The following TPSG1 variants were observed in gnomAD, a reference collection of about 807,000 sequenced individuals.
TPSG1 encodes tryptase gamma 1.
TPSG1 carries 43 observed loss-of-function variants against 23.8 expected under a neutral mutation model. That is an observed-to-expected ratio of 1.81 (90% CI 1.42 to 2.33). The LOEUF is 2.33. TPSG1 is among the 30% of genes most tolerant of loss of function. TPSG1 has a pLI of 0.00. For missense variants in TPSG1, 623 were observed against 438.6 expected, an observed-to-expected ratio of 1.42 and a Z score of -3.75; for synonymous variants, 302 against 201.3, an observed-to-expected ratio of 1.50 and a Z score of -4.23.
rs373089626 is a variant in TPSG1, at chr16:1,222,099, G to A, written c.658-3C>T. The stretch of plus-strand genomic sequence containing the variant: ...ACCAGAGGCCCCCCGGAGTCGTCCT[G>A]AGGACAGAGAAGGCGAGCATTGGGA... On this transcript the variant is annotated splice_region_variant and splice_polypyrimidine_tract_variant and intron_variant, in intron 5 of 5. Coordinates refer to ENST00000234798, the MANE Select transcript of TPSG1 (RefSeq NM_012467.4). The A allele has an allele frequency of 1.8e-5, 29 of 1,612,776 alleles. No homozygotes were observed. Among genetic ancestry groups the A allele is most frequent in the Non-Finnish European group, 2.4e-5 (28 of 1,179,990 alleles).
rs1261647402 is a variant in TPSG1 at position 1,223,953 on chromosome 16, G to A, written c.74-359C>T. ...TGGGGGTGGCTGCCTAGTGGGCCCC[G>A]GTTTTCCTTCAGGGGTGGTGGAGAT... On this transcript the variant is annotated intron_variant, in intron 2 of 5. Coordinates refer to ENST00000234798, the MANE Select transcript of TPSG1 (RefSeq NM_012467.4). 1.3e-5 allele frequency: 4 copies of A among 302,444 alleles called. No individual in the cohort carries two copies. The Admixed American group carries it at 1.6e-4, about 12-fold the overall frequency. 18.7% of individuals were successfully genotyped at this position (302,444 alleles called of 1,614,324 possible). A position where few individuals can be genotyped will look rare whatever the true frequency, so the allele number is the denominator to read the frequency against.
chr16:1,223,762 ACGT>A, intron 2 of TPSG1, 168 bp from the exon 3 acceptor site: 1 of 792,684 alleles, frequency 1.3e-6, no homozygotes, highest in African/African-American at 1.8e-5. Flanking sequence ...AGCAGAAATG[ACGT>A]CTCAGGAGCA....
In TPSG1 at chr16:1,222,281, GTC is replaced by G. The variant is rs1567564570; in HGVS notation, c.570_571del (p.Glu190AspfsTer54). ...GGGGCCGGGATAGTCCCGGCGGCAG[GTC>G]TCTGTGTCCACCACGGAGACTTTCA... On this transcript the variant is annotated frameshift_variant, in exon 5 of 6. Transcript: ENST00000234798. LOFTEE classifies it high-confidence loss of function. 9.3e-6 allele frequency: 15 copies of G among 1,611,778 alleles called. No homozygotes were observed. The highest frequency in any genetic ancestry group is 1.7e-4 in the Middle Eastern group (1 of 5,850).
At position 1,223,050 on chromosome 16, in the gene TPSG1, C is replaced by G. The variant is rs1047913145; in HGVS notation, c.246-133G>C. ...CTCCTAGGCTTGGGACGCAGAAAGC[C>G]TGGGCAGTGGCCTCACCCTGCAGGG... On this transcript the variant is annotated intron_variant, in intron 3 of 5. Transcript: ENST00000234798. The G allele has an allele frequency of 3.3e-6, 4 of 1,207,338 alleles. No homozygotes were observed. The African/African-American group carries it at 4.6e-5, about 14-fold the overall frequency. The allele number at this position is 1,207,338 out of a possible 1,614,324, so 74.8% of individuals were successfully genotyped here. A position where few individuals can be genotyped will look rare whatever the true frequency, so the allele number is the denominator to read the frequency against.
chr16:1,223,808 T>G (rs2029992745), intron 2 of TPSG1: 1 of 568,654 alleles, frequency 1.8e-6, no homozygotes, highest in Non-Finnish European at 3.0e-6. Context: ...TCGTCCTTTC[T>G]AAGCACCATG....
chr16:1,223,719 C>T (rs2029985549), intron 2 of TPSG1, 125 bp from the exon 3 acceptor site: 3 of 1,147,252 alleles, frequency 2.6e-6, no homozygotes, highest in Non-Finnish European at 2.4e-6. Flanking sequence ...GCTCTCTCGT[C>T]TGCCAGACTC....
chr16:1,222,686 G>C lies in TPSG1; in HGVS notation c.477C>G (p.Cys159Trp). The change falls in exon 4 of 6, where the codon TGC becomes TGG. Residue 159 changes from cysteine to tryptophan, a missense_variant. By Grantham distance (215) the Cys-to-Trp change is radical. Transcript: ENST00000234798. ...GCGTATAGCCCCAGCCGGTCACCCA[G>C]CACCGGATCCCAGGGCAGAAGTCAT... ...ASDDFCPGIR[C>W]WVTGWGYTRE... 6.3e-7 allele frequency: 1 copy of C among 1,588,456 alleles called. No individual in the cohort carries two copies. The highest frequency in any genetic ancestry group is 8.6e-7 in the Non-Finnish European group (1 of 1,161,576).
At chr16:1,224,666 G>C (rs1328740321) in intron 1 of TPSG1, 38 bp from the exon 2 acceptor site, 1 of 1,613,156 alleles carries the variant, frequency 6.2e-7, no homozygotes, top group Non-Finnish European at 8.5e-7. Flanking sequence ...GGAGGGGGCT[G>C]CCAAGGAGAG....
In TPSG1 at chr16:1,221,728, G is replaced by A. The variant is rs779646785; in HGVS notation, c.*60C>T. ...GAAGACTCAGCTTCTCAAGGGAGAGGGAGGGGGCGGAGCGGAATAAATAGT... is the reference window on the plus strand; with the variant it reads ...GAAGACTCAGCTTCTCAAGGGAGAGAGAGGGGGCGGAGCGGAATAAATAGT... On this transcript the variant is annotated 3_prime_UTR_variant, in exon 6 of 6. Coordinates refer to ENST00000234798, the MANE Select transcript of TPSG1 (RefSeq NM_012467.4). 2.5e-4 allele frequency: 367 copies of A among 1,452,032 alleles called. No individual in the cohort carries two copies. Among genetic ancestry groups the A allele is most frequent in the Non-Finnish European group, 3.3e-4 (359 of 1,080,610 alleles). The allele number at this position is 1,452,032 out of a possible 1,614,324, so 89.9% of individuals were successfully genotyped here. A position where few individuals can be genotyped will look rare whatever the true frequency, so the allele number is the denominator to read the frequency against.
rs201257072 is a variant in TPSG1 at position 1,221,996 on chromosome 16, C to T, written c.758G>A (p.Gly253Glu). The change falls in exon 6 of 6, where the codon GGA becomes GAA. Residue 253 changes from glycine to glutamate, a missense_variant. Coordinates refer to ENST00000234798, the MANE Select transcript of TPSG1 (RefSeq NM_012467.4). ...GEGCGRPNRP[G>E]VYTRVPAYVN... ...GTAGGCAGGGACACGAGTGTAGACTCCCGGCCTGTTGGGGCGGCCGCAGCC... is the reference window on the plus strand; with the variant it reads ...GTAGGCAGGGACACGAGTGTAGACTTCCGGCCTGTTGGGGCGGCCGCAGCC... 7 of 1,612,292 alleles carry T rather than the reference C, an allele frequency of 4.3e-6. No homozygotes were observed. The highest frequency in any genetic ancestry group is 4.5e-5 in the East Asian group (2 of 44,832).
At chr16:1,225,015 C>T (rs1358301679) in intron 1 of TPSG1, among the ~76,000 whole-genome samples, 192 bp downstream of exon 1, 2 of 152,198 alleles carry the variant, frequency 1.3e-5, no homozygotes, top group African/African-American at 2.4e-5. Flanking sequence ...CACATCCCTC[C>T]TGCCTCTCCC....
In TPSG1 at chr16:1,221,863, T is replaced by TA; in HGVS notation, c.890dup (p.Val298SerfsTer24). ...ACTTGGCCAGCAGGACACAGGAGAC[T>TA]AGCAGAAGGAAGAGGCCGGGGAGGA... is the stretch of plus-strand genomic sequence containing the variant. On this transcript the variant is annotated frameshift_variant, in exon 6 of 6. Coordinates refer to ENST00000234798, the MANE Select transcript of TPSG1 (RefSeq NM_012467.4). LOFTEE classifies it low-confidence loss of function (END_TRUNC). The TA allele has an allele frequency of 6.2e-7, 1 of 1,611,954 alleles. No individual in the cohort carries two copies. Among genetic ancestry groups the TA allele is most frequent in the Admixed American group, 1.7e-5 (1 of 59,970 alleles).
rs758930885 is a variant in TPSG1, at chr16:1,222,900, T to A, written c.263A>T (p.Asp88Val). 6.2e-7 allele frequency: 1 copy of A among 1,606,964 alleles called. No individual in the cohort carries two copies. The highest frequency in any genetic ancestry group is 1.1e-5 in the South Asian group (1 of 90,024). Residue 88 changes from aspartate (D) to valine (V), a missense_variant, in exon 4 of 6, where the codon GAC (aspartate) becomes GTC (valine). By Grantham distance (152) the Asp-to-Val change is radical. Coordinates refer to ENST00000234798, the MANE Select transcript of TPSG1 (RefSeq NM_012467.4). ...HCFSGSLNSSDYQVHLGELEI... is the reference protein window; with the variant it reads ...HCFSGSLNSSVYQVHLGELEI... ...CAGTTCCCCCAGGTGCACCTGGTAG[T>A]CGGATGAGTTCAGGGACCTGGGAGG...
Position 1,223,853 on chromosome 16 carries a change from G to A in TPSG1, c.74-259C>T. The A allele has an allele frequency of 3.9e-6, 2 of 515,732 alleles. 1 individual carries two copies. Among genetic ancestry groups the A allele is most frequent in the South Asian group, 5.3e-5 (2 of 37,966 alleles). 31.9% of individuals were successfully genotyped at this position (515,732 alleles called of 1,614,324 possible). On this transcript the variant is annotated intron_variant, in intron 2 of 5. Transcript: ENST00000234798. ...CTAACCAGGGCTCCCGGAGGCGGTG[G>A]AAAGGCTGCAGAGGGCCCCTAGGCG...
In TPSG1 at chr16:1,221,866, C is replaced by T; in HGVS notation, c.888G>A (p.Leu296=). ...TGGCCAGCAGGACACAGGAGACTAG[C>T]AGAAGGAAGAGGCCGGGGAGGAAGA... ...AGFFLPGLFL[L]LVSCVLLAKC... Residue 296 remains leucine (L), a synonymous_variant, in exon 6 of 6, where the codon CTG becomes CTA. Transcript: ENST00000234798. The T allele has an allele frequency of 6.2e-7, 1 of 1,611,920 alleles. No individual in the cohort carries two copies. The highest frequency in any genetic ancestry group is 8.5e-7 in the Non-Finnish European group (1 of 1,179,510).
Position 1,223,581 on chromosome 16 carries a change from C to A in TPSG1, c.87G>T (p.Pro29=). ...TCCGGCCGCCTGCATCCGAAACCTG[C>A]GGCCGGCCACACCCTAAGTCGAAGG... is the stretch of plus-strand genomic sequence containing the variant. ...LRTLQPGCGR[P]QVSDAGGRIV... Residue 29 remains proline, a synonymous_variant, in exon 3 of 6, where the codon CCG becomes CCT. Transcript: ENST00000234798. 6.5e-7 allele frequency: 1 copy of A among 1,541,450 alleles called. No individual in the cohort carries two copies.
Position 1,225,204 on chromosome 16 carries a change from C to A in TPSG1, c.46+3G>T. Reference sequence around the variant, plus strand: ...ATCCCCACACCCAGGCCAGGTCACCCACCGGGCACAGCCAGGAGCAGCAGG... The same window carrying A: ...ATCCCCACACCCAGGCCAGGTCACCAACCGGGCACAGCCAGGAGCAGCAGG... On this transcript the variant is annotated splice_donor_region_variant and intron_variant, in intron 1 of 5. Coordinates refer to ENST00000234798, the MANE Select transcript of TPSG1 (RefSeq NM_012467.4). 1.9e-6 allele frequency: 3 copies of A among 1,575,254 alleles called. No individual in the cohort carries two copies. The highest frequency in any genetic ancestry group is 1.7e-6 in the Non-Finnish European group (2 of 1,160,716).
intron 2 of TPSG1, chr16:1,223,930 G>A: frequency 2.9e-6 from 1 of 343,088 alleles, no homozygotes; most frequent in Non-Finnish European, 5.2e-6. Flanking sequence ...CGGGGTGCTG[G>A]GGGTGGCTGC....
intron 1 of TPSG1, among the ~76,000 whole-genome samples, chr16:1,224,984 T>TGCACCCCCAACTCCCACCC (rs2030069711): frequency 1.6e-5 from 2 of 125,228 alleles, no homozygotes; most frequent in South Asian, 5.6e-4. Context: ...TGCCAACTCC[T>TGCACCCCCAACTCCCACCC]GCACCCCCAA....
Sources: allele counts gnomAD v4.1 joint callset (sites outside exome capture counted in the v4.1 genomes callset), GRCh38; gene constraint gnomAD v4.1.1; transcripts MANE v1.5; gene names NCBI Gene and HGNC (gene_info 2026-07-23, HGNC 2026-07-21).